ABCB4: variants seen among roughly 807,000 people sequenced by gnomAD.
ABCB4 encodes the protein phosphatidylcholine translocator ABCB4.
ABCB4 carries 76 observed loss-of-function variants against 145.7 expected under a neutral mutation model. The observed-to-expected ratio is 0.52, with a 90% CI of 0.43 to 0.63. The LOEUF (loss-of-function observed/expected upper bound fraction) is 0.63, where lower values mean the gene tolerates loss of function less well. Among genes scored for constraint, ABCB4 ranks in the 30% least tolerant of loss-of-function variants. The probability of loss-of-function intolerance (pLI) is 0.00; values close to 1 mark genes in which losing one functional copy is unlikely to be tolerated. For missense variants in ABCB4, 1,234 were observed against 1,553.1 expected (o/e 0.79, Z 3.45); for synonymous variants, 517 against 566.8 (o/e 0.91, Z 1.25).
At position 87,447,165 on chromosome 7, in the gene ABCB4, T is replaced by A. The variant is rs1348610360; in HGVS notation, c.874A>T (p.Lys292Ter). ...GAAATGTTTGCTGAAATAGCTTTTT[T>A]AATTCCAATCTCTTTGGCATTTTCT... ...HLENAKEIGIKKAISANISMG... is the reference protein window; with the variant it reads ...HLENAKEIGI The change falls in exon 9 of 28, where the codon AAA (lysine) becomes TAA (stop). Residue 292 changes from lysine (K) to a stop codon, truncating the protein, a stop_gained. Transcript: ENST00000649586. LOFTEE classifies it high-confidence loss of function. The A allele has an allele frequency of 3.7e-6, 6 of 1,613,902 alleles. No individual in the cohort carries two copies. The highest frequency in any genetic ancestry group is 1.1e-5 in the South Asian group (1 of 91,084).
chr7:87,406,897 A>C (rs1808239942), intron 25 of ABCB4, among the ~76,000 whole-genome samples: 1 of 152,052 alleles, frequency 6.6e-6, no homozygotes, highest in African/African-American at 2.4e-5. Context: ...AGCAGTGAAA[A>C]AGCTGATCAG....
At chr7:87,458,898 C>T (rs759435689) in intron 4 of ABCB4, among the ~76,000 whole-genome samples, 11 of 151,318 alleles carry the variant, frequency 7.3e-5, no homozygotes, top group Non-Finnish European at 1.6e-4. Context: ...AAGTGACTTG[C>T]TTGTGCCATT....
At chr7:87,471,863 T>C (rs1405751915) in intron 3 of ABCB4, among the ~76,000 whole-genome samples, 1 of 152,244 alleles carries the variant, frequency 6.6e-6, no homozygotes, top group Non-Finnish European at 1.5e-5. Flanking sequence ...ACCCCCTATT[T>C]AGCCAATTTT....
At chr7:87,387,605 A>G in the ABCB4 span, among the ~76,000 whole-genome samples, 2 of 152,134 alleles carry the variant, frequency 1.3e-5, no homozygotes, top group East Asian at 3.9e-4. Context: ...TATGTATTAT[A>G]TATTGTATTC....
chr7:87,406,327 T>C lies in ABCB4; in HGVS notation c.3447A>G (p.Lys1149=). The change falls in exon 26 of 28, where the codon AAA becomes AAG. Residue 1149 remains lysine (K), a synonymous_variant. Transcript: ENST00000649586. The stretch of plus-strand genomic sequence containing the variant: ...CGATGAAAGGATGTATGTTGGCAGC[T>C]TTGGCTGCACTCACAATTTCATCCT... The part of the protein sequence containing the change: ...VSQDEIVSAA[K]AANIHPFIET... 2 of 1,614,194 alleles carry C rather than the reference T, an allele frequency of 1.2e-6. No individual in the cohort carries two copies. Among genetic ancestry groups the C allele is most frequent in the Non-Finnish European group, 1.7e-6 (2 of 1,180,014 alleles).
rs182388503 is a variant in ABCB4 at position 87,444,471 on chromosome 7, A to G, written c.1119+391T>C. Among the ~76,000 whole-genome samples the G allele has an allele frequency of 1.2e-4, 18 of 152,334 alleles. No homozygotes were observed. The East Asian group carries it at 2.9e-3, about 24-fold the overall frequency. On this transcript the variant is annotated intron_variant, in intron 10 of 27. Coordinates refer to ENST00000649586, the MANE Select transcript of ABCB4 (RefSeq NM_000443.4). ...AATTTTTTGGAGAGGGGGAACCCAC[A>G]GCAAAATATACTGTCAATTTTGGTC...
At chr7:87,454,026 AAAT>A (rs1279119520) in intron 5 of ABCB4, among the ~76,000 whole-genome samples, 1 of 152,240 alleles carries the variant, frequency 6.6e-6, no homozygotes, top group Non-Finnish European at 1.5e-5. Context: ...GTATTTTAAA[AAAT>A]AATAAGTACA....
chr7:87,411,196 GCTT>G (rs979293327), intron 23 of ABCB4, among the ~76,000 whole-genome samples: 4 of 150,536 alleles, frequency 2.7e-5, no homozygotes, highest in African/African-American at 9.8e-5. Context: ...ACACACTTTC[GCTT>G]TTTTGTCTTG....
intron 14 of ABCB4, among the ~76,000 whole-genome samples, chr7:87,439,356 A>G (rs191861004): frequency 8.7e-4 from 132 of 152,288 alleles, no homozygotes; most frequent in Non-Finnish European, 1.5e-3. Context: ...TTAAAAATAT[A>G]TATATTTTAA....
chr7:87,379,195 T>C, the ABCB4 span, among the ~76,000 whole-genome samples: 1 of 152,198 alleles, frequency 6.6e-6, no homozygotes, highest in African/African-American at 2.4e-5. Context: ...ACCCTCTGCA[T>C]ACATATTTTG....
chr7:87,440,485 C>T, intron 12 of ABCB4, 83 bp from the exon 13 acceptor site: 1 of 1,184,512 alleles, frequency 8.4e-7, no homozygotes, highest in Non-Finnish European at 1.2e-6. Context: ...AACATCCTAC[C>T]TAATATTTAA....
the ABCB4 span, among the ~76,000 whole-genome samples, chr7:87,391,901 C>T: frequency 6.6e-6 from 1 of 152,266 alleles, no homozygotes; most frequent in East Asian, 1.9e-4. Flanking sequence ...ACAGGGAAGG[C>T]AGGAAAAGGA....
At chr7:87,390,988 T>G in the ABCB4 span, among the ~76,000 whole-genome samples, 1,437 of 152,270 alleles carry the variant, frequency 9.4e-3, 25 homozygotes, top group African/African-American at 0.033. Context: ...TTTCATGAGG[T>G]TGTAGTCAGT....
At chr7:87,446,161 AC>A (rs979632928) in intron 9 of ABCB4, among the ~76,000 whole-genome samples, 2 of 152,220 alleles carry the variant, frequency 1.3e-5, no homozygotes, top group African/African-American at 4.8e-5. Flanking sequence ...GTCTGAAGAT[AC>A]CACTGCATAA....
chr7:87,422,079 A>T, intron 18 of ABCB4, 42 bp downstream of exon 18: 1 of 1,368,548 alleles, frequency 7.3e-7, no homozygotes. Context: ...TTCTCTAATT[A>T]AATTATAAAC....
At chr7:87,453,167 C>G (rs1398656128) in intron 5 of ABCB4, 32 bp from the exon 6 acceptor site, 11 of 1,594,098 alleles carry the variant, frequency 6.9e-6, no homozygotes, top group Non-Finnish European at 9.5e-6. Context: ...CTATTAAATA[C>G]CTTCTCTTTT....
Position 87,447,124 on chromosome 7 carries a change from G to A in ABCB4, c.915C>T (p.Phe305=). 3 of 1,613,954 alleles carry A rather than the reference G, an allele frequency of 1.9e-6. No homozygotes were observed. The highest frequency in any genetic ancestry group is 2.2e-5 in the East Asian group (1 of 44,866). ...GTGCATATGATGCATATATTAACAG[G>A]AAGGCAATACCCATGGAAATGTTTG... ...ISANISMGIA[F]LLIYASYALA... The change falls in exon 9 of 28, where the codon TTC becomes TTT. Residue 305 remains phenylalanine (F), a synonymous_variant. Transcript: ENST00000649586.
chr7:87,395,827 C>T, the ABCB4 span, among the ~76,000 whole-genome samples: 7 of 152,072 alleles, frequency 4.6e-5, no homozygotes, highest in South Asian at 1.2e-3. Flanking sequence ...GGCTCTAGAT[C>T]GGGGGTTATA....
chr7:87,411,480 C>A lies in ABCB4; in HGVS notation c.2924+413G>T, dbSNP rs189955633. Among the ~76,000 whole-genome samples, 4 of 152,242 alleles carry A rather than the reference C, an allele frequency of 2.6e-5. No homozygotes were observed. The East Asian group carries it at 7.8e-4, about 30-fold the overall frequency. On this transcript the variant is annotated intron_variant, in intron 23 of 27. Coordinates refer to ENST00000649586, the MANE Select transcript of ABCB4 (RefSeq NM_000443.4). ...TTAGGGAGAGAGTGCCTTTGCCAGACTTCCAACAAGTATTCCCATCTTGTT... is the reference window on the plus strand; with the variant it reads ...TTAGGGAGAGAGTGCCTTTGCCAGAATTCCAACAAGTATTCCCATCTTGTT...
Sources: allele counts gnomAD v4.1 joint callset (sites outside exome capture counted in the v4.1 genomes callset), GRCh38; gene constraint gnomAD v4.1.1; transcripts MANE v1.5; gene names NCBI Gene and HGNC (gene_info 2026-07-23, HGNC 2026-07-21).